The following MTO1 variants were observed in gnomAD, a reference collection of about 807,000 sequenced individuals.
MTO1 encodes 5-taurinomethyluridine-[tRNA] synthase subunit MTO1, mitochondrial.
MTO1 carries 46 observed loss-of-function variants against 71.6 expected under a neutral mutation model. The ratio of observed to expected loss-of-function variants is 0.64; its 90% CI spans 0.51 to 0.82. The LOEUF (loss-of-function observed/expected upper bound fraction) is 0.82. Among genes scored for constraint, MTO1 ranks in the 40% least tolerant of loss-of-function variants. The pLI, the probability that MTO1 is intolerant of heterozygous loss-of-function variation, is 0.00. For missense variants in MTO1, 773 were observed against 867.5 expected (o/e 0.89, Z 1.37); for synonymous variants, 297 against 312.1 (o/e 0.95, Z 0.51).
At position 73,473,485 on chromosome 6, in the gene MTO1, T is replaced by C. The variant is rs747465085; in HGVS notation, c.656T>C (p.Ile219Thr). 8 of 1,614,010 alleles carry C rather than the reference T, an allele frequency of 5.0e-6. No homozygotes were observed. In the Admixed American group the frequency reaches 1.2e-4, roughly 24 times the overall value. The change falls in exon 4 of 12, where the codon ATA (isoleucine) becomes ACA (threonine). Residue 219 changes from isoleucine (I) to threonine (T), a missense_variant. Physicochemically the swap from Ile to Thr is moderately conservative, Grantham distance 89. Transcript: ENST00000498286. ...PAGRLGDQPS[I>T]GLAQTLEKLG... ...GGACGTTTAGGGGATCAGCCTTCTA[T>C]AGGATTGGCTCAGACACTGGAGAAG...
Position 73,480,778 on chromosome 6 carries a change from C to G in MTO1, c.1233C>G (p.Thr411=). ...RLFFAGQING[T]TGYEEAAAQG... is the part of the protein sequence containing the mutation. ...TCTTTGCTGGACAGATCAATGGCAC[C>G]ACTGGTTATGAGGAAGCTGCAGCTC... Residue 411 remains threonine (T), a synonymous_variant, in exon 7 of 12, where the codon ACC becomes ACG. Coordinates refer to ENST00000498286, the MANE Select transcript of MTO1 (RefSeq NM_012123.4). 6.2e-7 allele frequency: 1 copy of G among 1,613,964 alleles called. No homozygotes were observed. The highest frequency in any genetic ancestry group is 1.7e-5 in the Admixed American group (1 of 59,960).
chr6:73,500,651 A>G lies in MTO1; in HGVS notation c.1995A>G (p.Gln665=), dbSNP rs146878659. 62 of 1,614,032 alleles carry G rather than the reference A, an allele frequency of 3.8e-5. No homozygotes were observed. Among genetic ancestry groups the G allele is most frequent in the Admixed American group, 1.0e-4 (6 of 60,002 alleles). ...TGCTGAGATTTGTGAAGACCACTCA[A>G]CGAAGACAGTCGGCTATGAATGAAT... is the stretch of plus-strand genomic sequence containing the variant. The part of the protein sequence containing the change: ...INLLRFVKTT[Q]RRQSAMNESS... Residue 665 remains glutamine (Q), a synonymous_variant, in exon 12 of 12, where the codon CAA becomes CAG. Transcript: ENST00000498286.
At chr6:73,483,793 T>TC (rs1771580752) in intron 9 of MTO1, among the ~76,000 whole-genome samples, 1 of 149,890 alleles carries the variant, frequency 6.7e-6, no homozygotes, top group Admixed American at 6.7e-5. Context: ...TATTTTTTTT[T>TC]TTTTTTTTTT....
At chr6:73,495,813 A>C (rs1771963754) in intron 10 of MTO1, among the ~76,000 whole-genome samples, 1 of 152,204 alleles carries the variant, frequency 6.6e-6, no homozygotes. Context: ...ATAACATTAT[A>C]TTACAATTTG....
intron 4 of MTO1, among the ~76,000 whole-genome samples, chr6:73,474,598 G>A (rs563915718): frequency 2.9e-4 from 44 of 151,662 alleles, no homozygotes; most frequent in African/African-American, 9.4e-4. Flanking sequence ...GCAAGCACCC[G>A]CCATCATGCC....
At position 73,500,969 on chromosome 6, in the gene MTO1, T is replaced by A. The variant is rs1377863317; in HGVS notation, c.*234T>A. The A allele has an allele frequency of 6.2e-6, 2 of 321,474 alleles. No individual in the cohort carries two copies. The highest frequency in any genetic ancestry group is 1.1e-5 in the Non-Finnish European group (2 of 179,536). 19.9% of individuals were successfully genotyped at this position (321,474 alleles called of 1,614,324 possible). A position where few individuals can be genotyped will look rare whatever the true frequency, so the allele number is the denominator to read the frequency against. On this transcript the variant is annotated 3_prime_UTR_variant, in exon 12 of 12. Transcript: ENST00000498286. ...AGGAGCTGTAATACAAATAACTTTG[T>A]GCAGTGTTCATCAAAGAGAGAGACA...
At chr6:73,486,466 G>A (rs553907290) in intron 9 of MTO1, 12 of 306,074 alleles carry the variant, frequency 3.9e-5, no homozygotes, top group Middle Eastern at 1.2e-3. Context: ...GGCCAGGCAC[G>A]GTGGCTCACG....
rs1187017825 is a variant in MTO1 at position 73,508,632 on chromosome 6, C to G, written c.*7897C>G. On this transcript the variant is annotated 3_prime_UTR_variant, in exon 12 of 12. Transcript: ENST00000498286. ...GGTATTATAGCTCTGAAGAAAAATACTGATGAGCAGTTATACAAAATGAGA... is the reference window on the plus strand; with the variant it reads ...GGTATTATAGCTCTGAAGAAAAATAGTGATGAGCAGTTATACAAAATGAGA... 6.6e-6 allele frequency: 1 copy of G among 152,144 alleles called. No individual in the cohort carries two copies. The highest frequency in any genetic ancestry group is 6.6e-5 in the Admixed American group (1 of 15,260). 9.4% of individuals were successfully genotyped at this position (152,144 alleles called of 1,614,324 possible). A position where few individuals can be genotyped will look rare whatever the true frequency, so the allele number is the denominator to read the frequency against.
intron 10 of MTO1, 24 bp downstream of exon 10, chr6:73,492,376 C>A: frequency 1.4e-6 from 2 of 1,462,686 alleles, no homozygotes; most frequent in Non-Finnish European, 9.6e-7. Context: ...TTTGACTTAA[C>A]ATACCTTTAT....
intron 11 of MTO1, 87 bp from the exon 12 acceptor site, chr6:73,500,482 AACTAT>A (rs1211533214): frequency 5.0e-6 from 5 of 994,664 alleles, no homozygotes; most frequent in Non-Finnish European, 7.0e-6. Flanking sequence ...ATATTGTATA[AACTAT>A]ACTATACAGA....
chr6:73,482,733 A>T, intron 9 of MTO1, 113 bp downstream of exon 9: 1 of 779,466 alleles, frequency 1.3e-6, no homozygotes, highest in Non-Finnish European at 1.8e-6. Context: ...AAATGAATGT[A>T]GCTTGTTTTT....
chr6:73,462,211 G>A, intron 1 of MTO1, 140 bp downstream of exon 1: 1 of 918,620 alleles, frequency 1.1e-6, no homozygotes, highest in Non-Finnish European at 1.6e-6. Flanking sequence ...GCCTCGATCA[G>A]TGTCTCGCAA....
intron 10 of MTO1, among the ~76,000 whole-genome samples, chr6:73,496,619 A>G (rs1409029853): frequency 6.7e-6 from 1 of 149,050 alleles, no homozygotes; most frequent in Non-Finnish European, 1.5e-5. Flanking sequence ...TCCTAATGCT[A>G]TCCCTACCCC....
chr6:73,499,392 T>G (rs1159469103), intron 11 of MTO1, among the ~76,000 whole-genome samples: 1 of 151,846 alleles, frequency 6.6e-6, no homozygotes. Context: ...TGCAGTGGCA[T>G]GCACCTATAG....
intron 1 of MTO1, among the ~76,000 whole-genome samples, chr6:73,465,493 C>A (rs888807463): frequency 1.7e-4 from 26 of 151,570 alleles, no homozygotes; most frequent in Non-Finnish European, 2.8e-4. Context: ...TTATTTTTGT[C>A]CTTATTTATG....
intron 9 of MTO1, chr6:73,491,878 A>G (rs621493): frequency 0.91 from 167,044 of 184,154 alleles, 75,939 homozygotes; most frequent in East Asian, 0.95. Context: ...GCAGTTTAGC[A>G]GATCACGAGG....
intron 3 of MTO1, among the ~76,000 whole-genome samples, chr6:73,468,767 C>T (rs1771068179): frequency 6.6e-6 from 1 of 151,724 alleles, no homozygotes; most frequent in Admixed American, 6.6e-5. Context: ...GCAACCACGC[C>T]CAGCTAATTT....
chr6:73,462,101 CG>C, intron 1 of MTO1, 30 bp downstream of exon 1: 1 of 1,606,000 alleles, frequency 6.2e-7, no homozygotes, highest in Non-Finnish European at 8.5e-7. Flanking sequence ...TGGAACTTGG[CG>C]TAGGACGCAG....
intron 10 of MTO1, among the ~76,000 whole-genome samples, chr6:73,497,424 T>C (rs1772019987): frequency 6.6e-6 from 1 of 151,992 alleles, no homozygotes; most frequent in Admixed American, 6.6e-5. Flanking sequence ...AAAGTGTTAG[T>C]ATTACAGGCA....
Sources: allele counts gnomAD v4.1 joint callset (sites outside exome capture counted in the v4.1 genomes callset), GRCh38; gene constraint gnomAD v4.1.1; transcripts MANE v1.5; gene names NCBI Gene and HGNC (gene_info 2026-07-23, HGNC 2026-07-21).